Variants in UNC93A observed in about 807,000 individuals in gnomAD.
UNC93A encodes the protein N-acetylglucosamine transporter UNC93A.
UNC93A carries 43 observed loss-of-function variants against 47.5 expected under a neutral mutation model. The ratio of observed to expected loss-of-function variants is 0.91; its 90% CI spans 0.71 to 1.17. UNC93A has a LOEUF of 1.17. Ranked by LOEUF, UNC93A falls within the 50% of genes most tolerant of loss-of-function variation. The pLI is 0.00. For missense variants in UNC93A, 605 were observed against 577.6 expected, an observed-to-expected ratio of 1.05 and a Z score of -0.49; for synonymous variants, 280 against 258.0, an observed-to-expected ratio of 1.09 and a Z score of -0.82.
At chr6:167,279,971 C>A (rs56839239) in intron 1 of UNC93A, among the ~76,000 whole-genome samples, 2,920 of 152,272 alleles carry the variant, frequency 0.019, 104 homozygotes, top group African/African-American at 0.067. Flanking sequence ...GGCAATCCAC[C>A]ATTCACTGTG....
At chr6:167,271,477 TC>T (rs1199343053) in intron 1 of UNC93A, 1 of 152,220 alleles carries the variant, frequency 6.6e-6, no homozygotes, top group African/African-American at 2.4e-5. Context: ...TGGGATGGGC[TC>T]CGTGGCTGCC....
rs369825725 is a variant in UNC93A, at chr6:167,315,191, C to G, written c.1113C>G (p.Leu371=). The change falls in exon 8 of 8, where the codon CTC becomes CTG. Residue 371 remains leucine, a synonymous_variant. Transcript: ENST00000230256. ...ACTCCGCTCTCTCCTCTGCAGCTCT[C>G]TACGGCGTTCTGTTTGAGAAGAGCA... ...DAVWQTQNNA[L]YGVLFEKSKE... is the part of the protein sequence containing the mutation. 1.9e-6 allele frequency: 3 copies of G among 1,613,560 alleles called. No homozygotes were observed. The South Asian group carries it at 3.3e-5, about 18-fold the overall frequency.
At chr6:167,295,455 C>T (rs1294135137) in intron 2 of UNC93A, among the ~76,000 whole-genome samples, 1 of 119,650 alleles carries the variant, frequency 8.4e-6, no homozygotes, top group Non-Finnish European at 1.6e-5. Context: ...TGCTCCTCGC[C>T]TCCCTCGTGC....
At chr6:167,300,626 G>A (rs1338517921) in intron 4 of UNC93A, among the ~76,000 whole-genome samples, 2 of 152,140 alleles carry the variant, frequency 1.3e-5, no homozygotes, top group Non-Finnish European at 2.9e-5. Flanking sequence ...GTTTTCTCTG[G>A]TCTGCAAGTC....
intron 1 of UNC93A, 132 bp downstream of exon 1, chr6:167,291,708 C>CCTGTACCACTTTTTCACTCTGTACCA: frequency 1.2e-6 from 1 of 820,960 alleles, no homozygotes; most frequent in Non-Finnish European, 1.9e-6. Context: ...TGTACCAAAT[C>CCTGTACCACTTTTTCACTCTGTACCA]CTCTAAAACA....
chr6:167,273,395 T>C (rs1383790315), intron 1 of UNC93A, among the ~76,000 whole-genome samples: 3 of 152,136 alleles, frequency 2.0e-5, no homozygotes. Flanking sequence ...GCCTCCTCAT[T>C]GGCCCATGGG....
At chr6:167,291,954 A>G (rs774178906) in intron 1 of UNC93A, among the ~76,000 whole-genome samples, 2 of 152,156 alleles carry the variant, frequency 1.3e-5, no homozygotes, top group Non-Finnish European at 2.9e-5. Flanking sequence ...AGCCATGTGA[A>G]TTTATCAAAT....
At chr6:167,292,651 G>T (rs1003937799) in intron 1 of UNC93A, among the ~76,000 whole-genome samples, 2 of 152,148 alleles carry the variant, frequency 1.3e-5, no homozygotes, top group South Asian at 2.1e-4. Context: ...TTTTCTTGCC[G>T]CAATGGTTCA....
chr6:167,283,898 C>A (rs1783676251), intron 1 of UNC93A, among the ~76,000 whole-genome samples: 1 of 152,200 alleles, frequency 6.6e-6, no homozygotes, highest in Non-Finnish European at 1.5e-5. Context: ...TAAATTGAGT[C>A]TTCGTGGTAT....
intron 1 of UNC93A, among the ~76,000 whole-genome samples, chr6:167,278,696 G>C (rs1244414249): frequency 6.6e-6 from 1 of 152,146 alleles, no homozygotes; most frequent in East Asian, 1.9e-4. Context: ...TGCAAATGCA[G>C]CCATCTGCTT....
rs206992 is a variant in UNC93A at position 167,285,962 on chromosome 6, A to G, written c.-51-5477A>G. ...TTTCTCTCTCTCTCTCTCTCTCTCT[A>G]TATATATATATATATATACACACAC... On this transcript the variant is annotated intron_variant, in intron 1 of 3. Transcript: ENST00000503433. Among the ~76,000 whole-genome samples, 7 of 131,934 alleles carry G rather than the reference A, an allele frequency of 5.3e-5. No individual in the cohort carries two copies. The East Asian group carries it at 1.4e-3, about 26-fold the overall frequency. The allele number at this position is 131,934 out of a possible 152,430, so 86.6% of individuals were successfully genotyped here. A position where few individuals can be genotyped will look rare whatever the true frequency, so the allele number is the denominator to read the frequency against.
chr6:167,279,173 A>G (rs962810479), intron 1 of UNC93A, among the ~76,000 whole-genome samples: 3 of 152,208 alleles, frequency 2.0e-5, no homozygotes, highest in African/African-American at 7.2e-5. Context: ...TATGGCACAT[A>G]CTTTTAGGCT....
upstream of UNC93A, among the ~76,000 whole-genome samples, chr6:167,287,348 G>C (rs1303310707): frequency 6.6e-6 from 1 of 152,180 alleles, no homozygotes; most frequent in Non-Finnish European, 1.5e-5. Context: ...CGCCCGTGTG[G>C]AGATGGGGTG....
chr6:167,275,452 C>G (rs412495), intron 1 of UNC93A, among the ~76,000 whole-genome samples: 98,109 of 152,200 alleles, frequency 0.64, 31,819 homozygotes, highest in Non-Finnish European at 0.67. Flanking sequence ...CTGGCACTCT[C>G]CACATTTGGG....
At chr6:167,288,452 ACACACACACACACAC>A (rs1562345643), upstream of UNC93A, among the ~76,000 whole-genome samples, 9 of 69,768 alleles carry the variant, frequency 1.3e-4, no homozygotes, top group South Asian at 5.2e-4. Context: ...TCTTCCTTAC[ACACACACACACACAC>A]ACACACACAC....
At chr6:167,270,368 G>A (rs916232994), upstream of UNC93A, among the ~76,000 whole-genome samples, 44 of 152,132 alleles carry the variant, frequency 2.9e-4, no homozygotes, top group Admixed American at 6.5e-4. Context: ...TTAACTATGA[G>A]CAGAGGGTGC....
intron 6 of UNC93A, among the ~76,000 whole-genome samples, 173 bp downstream of exon 6, chr6:167,306,223 A>T (rs1482902602): frequency 6.6e-6 from 1 of 152,194 alleles, no homozygotes; most frequent in East Asian, 1.9e-4. Flanking sequence ...CTCAACAAGC[A>T]GGAATCAGAT....
At chr6:167,299,131 T>TAC (rs60853250) in intron 4 of UNC93A, among the ~76,000 whole-genome samples, 1,442 of 136,390 alleles carry the variant, frequency 0.011, 41 homozygotes, top group East Asian at 0.058. Flanking sequence ...AAAAAAAAAA[T>TAC]ACACACACAC....
chr6:167,278,755 G>T (rs1334416354), intron 1 of UNC93A, among the ~76,000 whole-genome samples: 1 of 152,138 alleles, frequency 6.6e-6, no homozygotes, highest in South Asian at 2.1e-4. Flanking sequence ...GCAGACAGAC[G>T]CTGGGGAGAC....
Sources: allele counts gnomAD v4.1 joint callset (sites outside exome capture counted in the v4.1 genomes callset), GRCh38; gene constraint gnomAD v4.1.1; transcripts MANE v1.5; gene names NCBI Gene and HGNC (gene_info 2026-07-23, HGNC 2026-07-21).